Variants in NT5C2 observed in about 807,000 individuals in gnomAD.
The protein encoded by NT5C2 is cytosolic purine 5'-nucleotidase.
NT5C2 carries 58 observed loss-of-function variants against 76.1 expected under a neutral mutation model. That is an observed-to-expected ratio of 0.76 (90% CI 0.62 to 0.95). NT5C2 has a LOEUF of 0.95. Among genes scored for constraint, NT5C2 ranks in the 40% least tolerant of loss-of-function variants. NT5C2 has a pLI of 0.00. For missense variants in NT5C2, 478 were observed against 690.3 expected (o/e 0.69, Z 3.45); for synonymous variants, 229 against 237.4 (o/e 0.96, Z 0.32).
chr10:103,133,376 TC>T (rs2078599392), intron 4 of NT5C2, among the ~76,000 whole-genome samples: 1 of 152,086 alleles, frequency 6.6e-6, no homozygotes, highest in South Asian at 2.1e-4. Flanking sequence ...CAAGTTATTC[TC>T]CTACCTCCCA....
chr10:103,129,106 G>C (rs2077360821), intron 4 of NT5C2, among the ~76,000 whole-genome samples: 1 of 122,054 alleles, frequency 8.2e-6, no homozygotes. Flanking sequence ...GGCCAGCCGT[G>C]CCGTCCGGGA....
chr10:103,139,194 TTCTA>T (rs994184238), intron 4 of NT5C2, among the ~76,000 whole-genome samples: 3 of 152,208 alleles, frequency 2.0e-5, no homozygotes, highest in Non-Finnish European at 4.4e-5. Flanking sequence ...TTAGTACTTT[TTCTA>T]TCTATGTGTA....
chr10:103,165,979 G>T (rs1280932472), intron 3 of NT5C2, among the ~76,000 whole-genome samples: 1 of 152,220 alleles, frequency 6.6e-6, no homozygotes, highest in African/African-American at 2.4e-5. Context: ...TTACCCAAGA[G>T]AATTTTTTAA....
chr10:103,184,922 C>CA (rs2091819916), intron 1 of NT5C2, among the ~76,000 whole-genome samples: 1 of 152,322 alleles, frequency 6.6e-6, no homozygotes. Context: ...CAAGCAGCTA[C>CA]ATGCTCCTAT....
chr10:103,089,098 A>T lies in NT5C2; in HGVS notation c.*574T>A, dbSNP rs12573200. On this transcript the variant is annotated 3_prime_UTR_variant, in exon 19 of 19. Transcript: ENST00000404739. ...CCCTAAAGCAACGCAAGTAGAGCAT[A>T]CTTCTGTGCAAAGCCAGTGATAGAG... is the stretch of plus-strand genomic sequence containing the variant. 0.023 allele frequency: 5,156 copies of T among 226,502 alleles called. 113 individuals carry two copies. The highest frequency in any genetic ancestry group is 0.11 in the South Asian group (612 of 5,484). 14.0% of individuals were successfully genotyped at this position (226,502 alleles called of 1,614,324 possible). A position where few individuals can be genotyped will look rare whatever the true frequency, so the allele number is the denominator to read the frequency against.
intron 3 of NT5C2, among the ~76,000 whole-genome samples, chr10:103,155,443 TG>T (rs1356099010): frequency 6.6e-6 from 1 of 152,182 alleles, no homozygotes; most frequent in Non-Finnish European, 1.5e-5. Flanking sequence ...TCTAAAGAAA[TG>T]GAACAATCCA....
At chr10:103,170,504 C>T (rs959996401) in intron 3 of NT5C2, among the ~76,000 whole-genome samples, 11 of 150,436 alleles carry the variant, frequency 7.3e-5, no homozygotes, top group Non-Finnish European at 1.5e-4. Context: ...GATACACACA[C>T]ACAAGCACAC....
intron 3 of NT5C2, among the ~76,000 whole-genome samples, chr10:103,162,336 A>G (rs2085125865): frequency 6.6e-6 from 1 of 152,090 alleles, no homozygotes; most frequent in East Asian, 1.9e-4. Flanking sequence ...TTTTAAGAGA[A>G]TACACACACA....
In NT5C2 at chr10:103,100,079, T is replaced by C; in HGVS notation, c.540-60A>G. 2.6e-6 allele frequency: 3 copies of C among 1,155,812 alleles called. No individual in the cohort carries two copies. The Admixed American group carries it at 5.3e-5, about 20-fold the overall frequency. The allele number at this position is 1,155,812 out of a possible 1,614,324, so 71.6% of individuals were successfully genotyped here. A position where few individuals can be genotyped will look rare whatever the true frequency, so the allele number is the denominator to read the frequency against. Reference sequence around the variant, plus strand: ...CAAAACAGGGTAAACAAAATATATATCAAAAATTTCCCAGGGGACCCAAAG... The same window carrying C: ...CAAAACAGGGTAAACAAAATATATACCAAAAATTTCCCAGGGGACCCAAAG... On this transcript the variant is annotated intron_variant, in intron 8 of 18. Coordinates refer to ENST00000404739, the MANE Select transcript of NT5C2 (RefSeq NM_001351169.2).
In NT5C2 at chr10:103,095,424, A is replaced by T. The variant is rs185938473; in HGVS notation, c.813+515T>A. On this transcript the variant is annotated intron_variant, in intron 12 of 18. Transcript: ENST00000404739. ...CTAAAATTCTGTAAGTATGTGACTA[A>T]GTTGCAAGGAGTATTCCTTAAACCT... Among the ~76,000 whole-genome samples the T allele has an allele frequency of 1.4e-3, 212 of 152,344 alleles. 1 individual carries two copies. Among genetic ancestry groups the T allele is most frequent in the African/African-American group, 4.6e-3 (191 of 41,582 alleles).
At chr10:103,149,449 AAG>A (rs1447204822) in intron 3 of NT5C2, among the ~76,000 whole-genome samples, 4 of 152,328 alleles carry the variant, frequency 2.6e-5, no homozygotes, top group African/African-American at 7.2e-5. Context: ...TAGGAAATAT[AAG>A]AGAGGGCTGA....
In NT5C2 at chr10:103,098,991, G is replaced by A. The variant is rs1325752678; in HGVS notation, c.634-7C>T. The A allele has an allele frequency of 1.3e-6, 2 of 1,597,274 alleles. No homozygotes were observed. The highest frequency in any genetic ancestry group is 1.7e-6 in the Non-Finnish European group (2 of 1,169,034). Reference sequence around the variant, plus strand: ...TCTTTTCCTTAAGGGAGCCCTGGAGGAAGACAAAAAAAAGAATTAAGAAAA... The same window carrying A: ...TCTTTTCCTTAAGGGAGCCCTGGAGAAAGACAAAAAAAAGAATTAAGAAAA... On this transcript the variant is annotated splice_polypyrimidine_tract_variant and splice_region_variant and intron_variant, in intron 9 of 18. Transcript: ENST00000404739.
chr10:103,103,354 T>G (rs1487469514), intron 6 of NT5C2, among the ~76,000 whole-genome samples: 1 of 152,194 alleles, frequency 6.6e-6, no homozygotes, highest in Non-Finnish European at 1.5e-5. Flanking sequence ...AGATTTTCTT[T>G]AATAAAAGTA....
intron 3 of NT5C2, among the ~76,000 whole-genome samples, chr10:103,144,440 TAAGAC>T (rs1371372010): frequency 3.3e-5 from 5 of 152,242 alleles, no homozygotes. Context: ...AATCAGTGCT[TAAGAC>T]AAGAACAACA....
chr10:103,126,116 A>T (rs1258278495), intron 4 of NT5C2, among the ~76,000 whole-genome samples: 2 of 152,192 alleles, frequency 1.3e-5, no homozygotes, highest in Non-Finnish European at 2.9e-5. Flanking sequence ...TATATACATG[A>T]GGGCAACTTA....
chr10:103,094,635 G>A (rs1196322867), intron 12 of NT5C2, 180 bp from the exon 13 acceptor site: 10 of 543,222 alleles, frequency 1.8e-5, no homozygotes, highest in Non-Finnish European at 2.3e-5. Context: ...TGTAATCCCA[G>A]TACTTTGGGA....
intron 1 of NT5C2, among the ~76,000 whole-genome samples, 172 bp from the exon 2 acceptor site, chr10:103,181,500 C>T (rs935004778): frequency 1.3e-5 from 2 of 152,098 alleles, no homozygotes; most frequent in African/African-American, 4.8e-5. Flanking sequence ...GCCTGGTTAG[C>T]AATCTGCACT....
Position 103,106,519 on chromosome 10 carries a change from A to G in NT5C2, c.293+70T>C, listed in dbSNP as rs548187922. 3.3e-6 allele frequency: 3 copies of G among 918,886 alleles called. No individual in the cohort carries two copies. The African/African-American group carries it at 4.9e-5, about 15-fold the overall frequency. The allele number at this position is 918,886 out of a possible 1,614,324, so 56.9% of individuals were successfully genotyped here. ...TTTTTTTGTTAAGGATAAATCTGGA[A>G]TGTCTAATTTGAGGGGTAAGGAAAG... On this transcript the variant is annotated intron_variant, in intron 5 of 18. Coordinates refer to ENST00000404739, the MANE Select transcript of NT5C2 (RefSeq NM_001351169.2).
chr10:103,143,989 GC>G (rs2081046725), intron 3 of NT5C2, among the ~76,000 whole-genome samples: 1 of 151,904 alleles, frequency 6.6e-6, no homozygotes, highest in Non-Finnish European at 1.5e-5. Context: ...CCAACCTCCA[GC>G]CCCCAAACAT....
Sources: gnomAD v4.1 joint callset for allele counts (sites outside exome capture counted in the v4.1 genomes callset) on GRCh38, gnomAD v4.1.1 for gene constraint, MANE v1.5 for transcripts, NCBI Gene and HGNC (gene_info 2026-07-23, HGNC 2026-07-21) for gene names.